ZNRF2: variants seen among roughly 807,000 people sequenced by gnomAD.
ZNRF2 encodes E3 ubiquitin-protein ligase ZNRF2.
ZNRF2 carries 16 observed loss-of-function variants against 20.4 expected under a neutral mutation model. The ratio of observed to expected loss-of-function variants is 0.79; its 90% confidence interval spans 0.53 to 1.19. The LOEUF (loss-of-function observed/expected upper bound fraction) is 1.19. ZNRF2 is among the 50% of genes most tolerant of loss of function. The pLI is 0.00. For missense variants in ZNRF2, 363 were observed against 332.4 expected (o/e 1.09, Z -0.72); for synonymous variants, 178 against 144.9 (o/e 1.23, Z -1.64).
chr7:30,315,944 A>G (rs1799367068), intron 1 of ZNRF2, among the ~76,000 whole-genome samples: 1 of 152,114 alleles, frequency 6.6e-6, no homozygotes, highest in African/African-American at 2.4e-5. Context: ...TTCACTTAAA[A>G]TTGCTTCATT....
chr7:30,328,523 A>G (rs1799586796), intron 2 of ZNRF2, among the ~76,000 whole-genome samples: 1 of 152,230 alleles, frequency 6.6e-6, no homozygotes, highest in South Asian at 2.1e-4. Context: ...TAACACAAGA[A>G]TAGTGGGGCT....
At chr7:30,303,218 A>T (rs986488198) in intron 1 of ZNRF2, among the ~76,000 whole-genome samples, 1 of 151,238 alleles carries the variant, frequency 6.6e-6, no homozygotes, top group Non-Finnish European at 1.5e-5. Context: ...GCTTCAGCTC[A>T]CACCACTGCA....
At chr7:30,348,815 G>A (rs1286755424) in intron 2 of ZNRF2, among the ~76,000 whole-genome samples, 1 of 152,136 alleles carries the variant, frequency 6.6e-6, no homozygotes, top group Non-Finnish European at 1.5e-5. Flanking sequence ...TTAGGCATCT[G>A]AGTTTGTGAC....
chr7:30,313,365 A>T (rs1799319457), intron 1 of ZNRF2, among the ~76,000 whole-genome samples: 1 of 152,160 alleles, frequency 6.6e-6, no homozygotes, highest in South Asian at 2.1e-4. Context: ...GGTGAAACTA[A>T]CATATTGCTC....
intron 4 of ZNRF2, among the ~76,000 whole-genome samples, chr7:30,365,456 A>G (rs1192716126): frequency 6.6e-6 from 1 of 152,150 alleles, no homozygotes; most frequent in African/African-American, 2.4e-5. Flanking sequence ...ATCTGAACCA[A>G]TGGAGTCTGC....
Position 30,284,846 on chromosome 7 carries a change from G to C in ZNRF2, c.-512G>C. 1 of 221,766 alleles carries C rather than the reference G, an allele frequency of 4.5e-6. No homozygotes were observed. Among genetic ancestry groups the C allele is most frequent in the Non-Finnish European group, 9.5e-6 (1 of 105,244 alleles). 13.7% of individuals were successfully genotyped at this position (221,766 alleles called of 1,614,324 possible). A position where few individuals can be genotyped will look rare whatever the true frequency, so the allele number is the denominator to read the frequency against. On this transcript the variant is annotated 5_prime_UTR_variant, in exon 1 of 5. Transcript: ENST00000323037. ...CTCTTTCTCCGTTAATAACAGCTGG[G>C]TGGCTGGGGGAGGAGGGAAGGTGGC... is the stretch of plus-strand genomic sequence containing the variant.
At chr7:30,292,230 G>A (rs1169489434) in intron 1 of ZNRF2, among the ~76,000 whole-genome samples, 2 of 152,172 alleles carry the variant, frequency 1.3e-5, no homozygotes, top group Non-Finnish European at 2.9e-5. Flanking sequence ...TTAACATTCA[G>A]TGAAAAATGT....
At chr7:30,324,418 G>A (rs891594830) in intron 2 of ZNRF2, among the ~76,000 whole-genome samples, 19 of 151,386 alleles carry the variant, frequency 1.3e-4, no homozygotes, top group African/African-American at 4.4e-4. Flanking sequence ...GTGTGGTGGT[G>A]CACACCTGAA....
In ZNRF2 at chr7:30,323,722, C is replaced by G; in HGVS notation, c.550C>G (p.Arg184Gly). 1 of 1,586,516 alleles carries G rather than the reference C, an allele frequency of 6.3e-7. No homozygotes were observed. Among genetic ancestry groups the G allele is most frequent in the Non-Finnish European group, 8.6e-7 (1 of 1,167,112 alleles). ...LHLVMCLTKP[R>G]ITYNEDVLSK... is the part of the protein sequence containing the mutation. ...TCTTGTAATGTGTTTAACAAAGCCA[C>G]GAATAACCTATAATGGTAAGTCCAA... The change falls in exon 2 of 5, where the codon CGA (arginine) becomes GGA (glycine). Residue 184 changes from arginine to glycine, a missense_variant. Transcript: ENST00000323037.
At chr7:30,334,876 AC>A (rs1380072552) in intron 2 of ZNRF2, among the ~76,000 whole-genome samples, 4 of 152,202 alleles carry the variant, frequency 2.6e-5, no homozygotes, top group African/African-American at 4.8e-5. Context: ...CAGATTGCTT[AC>A]TAGGATTGTA....
intron 1 of ZNRF2, among the ~76,000 whole-genome samples, chr7:30,288,591 G>T (rs1798840581): frequency 6.6e-6 from 1 of 152,134 alleles, no homozygotes; most frequent in Non-Finnish European, 1.5e-5. Context: ...ATCTGTTTTG[G>T]CTATATACAC....
intron 2 of ZNRF2, among the ~76,000 whole-genome samples, chr7:30,348,753 TACA>T (rs1799918543): frequency 6.6e-6 from 1 of 152,210 alleles, no homozygotes; most frequent in African/African-American, 2.4e-5. Flanking sequence ...CATTTATTGT[TACA>T]ATTGTACTAT....
At chr7:30,339,862 C>T (rs979360190) in intron 2 of ZNRF2, among the ~76,000 whole-genome samples, 5 of 152,104 alleles carry the variant, frequency 3.3e-5, no homozygotes, top group Non-Finnish European at 5.9e-5. Flanking sequence ...GGTAGTATGA[C>T]CATTTTCACA....
intron 1 of ZNRF2, among the ~76,000 whole-genome samples, chr7:30,297,420 C>T (rs1452954283): frequency 1.3e-5 from 2 of 152,104 alleles, no homozygotes; most frequent in East Asian, 1.9e-4. Context: ...TTCATAGTTC[C>T]TACTGAGAAA....
intron 3 of ZNRF2, among the ~76,000 whole-genome samples, chr7:30,356,854 T>C (rs1049041231): frequency 2.6e-5 from 4 of 151,948 alleles, no homozygotes; most frequent in Admixed American, 1.3e-4. Flanking sequence ...TACAGGCGCC[T>C]GCCACCATGC....
intron 3 of ZNRF2, among the ~76,000 whole-genome samples, chr7:30,356,401 A>G (rs2127956557): frequency 6.6e-6 from 1 of 152,314 alleles, no homozygotes; most frequent in South Asian, 2.1e-4. Flanking sequence ...CAGAGGAAAT[A>G]AAACAAAATA....
chr7:30,306,359 G>T (rs113171824), intron 1 of ZNRF2, among the ~76,000 whole-genome samples: 2,021 of 152,008 alleles, frequency 0.013, 19 homozygotes, highest in South Asian at 0.035. Context: ...TCTGCAAGTT[G>T]CCTTAAATGG....
intron 1 of ZNRF2, among the ~76,000 whole-genome samples, chr7:30,320,010 C>T (rs1475630120): frequency 2.0e-5 from 3 of 152,082 alleles, no homozygotes; most frequent in Admixed American, 6.6e-5. Flanking sequence ...TAAATAGAAT[C>T]GTGCATGTGT....
At chr7:30,340,531 T>C (rs1799778052) in intron 2 of ZNRF2, among the ~76,000 whole-genome samples, 1 of 151,458 alleles carries the variant, frequency 6.6e-6, no homozygotes. Flanking sequence ...GTTCTGTTGA[T>C]GTGTACATTT....
Sources: allele counts gnomAD v4.1 joint callset (sites outside exome capture counted in the v4.1 genomes callset), GRCh38; gene constraint gnomAD v4.1.1; transcripts MANE v1.5; gene names NCBI Gene and HGNC (gene_info 2026-07-23, HGNC 2026-07-21).